CYRIA: variants seen among roughly 807,000 people sequenced by gnomAD.
CYRIA encodes the protein CYFIP-related Rac1 interactor A.
In CYRIA, 15 loss-of-function variants were observed where a neutral mutation model predicts 43.9. The ratio of observed to expected loss-of-function variants is 0.34; its 90% CI spans 0.23 to 0.53. The LOEUF (loss-of-function observed/expected upper bound fraction) is 0.53, where lower values mean the gene tolerates loss of function less well. CYRIA is among the 20% of genes least tolerant of loss of function. CYRIA has a pLI of 0.94. For missense variants in CYRIA, 236 were observed against 394.2 expected (o/e 0.60, Z 3.40); for synonymous variants, 117 against 136.0 (o/e 0.86, Z 0.97).
intron 3 of CYRIA, among the ~76,000 whole-genome samples, chr2:16,580,318 G>A (rs1222715286): frequency 6.6e-6 from 1 of 152,046 alleles, no homozygotes. Flanking sequence ...ACACTATATT[G>A]ATAAAGACAT....
chr2:16,592,868 T>C (rs977121191), intron 2 of CYRIA, among the ~76,000 whole-genome samples: 1 of 152,158 alleles, frequency 6.6e-6, no homozygotes, highest in Non-Finnish European at 1.5e-5. Context: ...GAACACCAAA[T>C]CTTACCCAGA....
At chr2:16,553,924 G>A (rs1666407601) in intron 11 of CYRIA, among the ~76,000 whole-genome samples, 1 of 152,052 alleles carries the variant, frequency 6.6e-6, no homozygotes, top group Non-Finnish European at 1.5e-5. Flanking sequence ...TGGACACCAG[G>A]AGAAAACCTT....
intron 1 of CYRIA, among the ~76,000 whole-genome samples, chr2:16,664,395 C>T (rs1655517130): frequency 6.6e-6 from 1 of 152,066 alleles, no homozygotes; most frequent in Admixed American, 6.5e-5. Flanking sequence ...GACAACGGAC[C>T]AATAAAAACC....
chr2:16,553,312 C>T (rs1307207287), intron 11 of CYRIA, among the ~76,000 whole-genome samples: 2 of 152,068 alleles, frequency 1.3e-5, no homozygotes, highest in Non-Finnish European at 2.9e-5. Flanking sequence ...CTGAGGCTGC[C>T]CCTGCTAACT....
intron 2 of CYRIA, among the ~76,000 whole-genome samples, chr2:16,606,201 C>G (rs1403177451): frequency 6.6e-6 from 1 of 152,088 alleles, no homozygotes; most frequent in African/African-American, 2.4e-5. Flanking sequence ...AAATCTTCTC[C>G]TCTTCCCTCA....
At chr2:16,631,840 G>A (rs957292613) in intron 1 of CYRIA, among the ~76,000 whole-genome samples, 24 of 152,188 alleles carry the variant, frequency 1.6e-4, no homozygotes, top group African/African-American at 5.8e-4. Context: ...TGGCCACGCT[G>A]CAGTGAGGAC....
intron 1 of CYRIA, among the ~76,000 whole-genome samples, chr2:16,634,361 C>T (rs1298724302): frequency 6.6e-6 from 1 of 152,218 alleles, no homozygotes; most frequent in Non-Finnish European, 1.5e-5. Flanking sequence ...ACTGTCACCA[C>T]TTTGATGCCT....
intron 2 of CYRIA, among the ~76,000 whole-genome samples, chr2:16,592,039 G>A (rs1198655223): frequency 6.6e-6 from 1 of 152,020 alleles, no homozygotes; most frequent in African/African-American, 2.4e-5. Context: ...GGAGGGTCTG[G>A]TAGAGGTAGA....
At chr2:16,647,203 A>G (rs964371834) in intron 1 of CYRIA, among the ~76,000 whole-genome samples, 1 of 152,232 alleles carries the variant, frequency 6.6e-6, no homozygotes, top group Non-Finnish European at 1.5e-5. Context: ...TCTTCCTTCC[A>G]AAAAGATTTT....
intron 1 of CYRIA, among the ~76,000 whole-genome samples, chr2:16,664,139 G>A (rs886623472): frequency 1.1e-4 from 17 of 152,186 alleles, no homozygotes; most frequent in African/African-American, 4.1e-4. Flanking sequence ...CACTGAGGCA[G>A]TATGCGCCCA....
chr2:16,562,355 G>A (rs901055767), intron 5 of CYRIA, among the ~76,000 whole-genome samples: 15 of 152,278 alleles, frequency 9.9e-5, no homozygotes, highest in African/African-American at 3.6e-4. Flanking sequence ...CATGGCCACA[G>A]TGTTTTGTAA....
chr2:16,648,106 T>C (rs756048054), intron 1 of CYRIA, among the ~76,000 whole-genome samples: 5 of 152,012 alleles, frequency 3.3e-5, no homozygotes, highest in Non-Finnish European at 7.4e-5. Context: ...CACAGAAAGG[T>C]TAAGTAATTT....
rs188496297 is a variant in CYRIA, at chr2:16,610,399, A to G, written c.-11+13465T>C. On this transcript the variant is annotated intron_variant, in intron 2 of 11. Coordinates refer to ENST00000381323, the MANE Select transcript of CYRIA (RefSeq NM_030797.4). Reference sequence around the variant, plus strand: ...TGGGAAACAGAAAATGGCTTAAGACATGGCCTGTGGCCTCTGGTCAGGGCA... The same window carrying G: ...TGGGAAACAGAAAATGGCTTAAGACGTGGCCTGTGGCCTCTGGTCAGGGCA... Among the ~76,000 whole-genome samples, 26 of 152,372 alleles carry G rather than the reference A, an allele frequency of 1.7e-4. 1 individual carries two copies. Among genetic ancestry groups the G allele is most frequent in the Admixed American group, 1.4e-3 (22 of 15,308 alleles).
chr2:16,570,139 G>C (rs560159899), intron 3 of CYRIA, among the ~76,000 whole-genome samples: 3 of 152,128 alleles, frequency 2.0e-5, no homozygotes, highest in African/African-American at 7.2e-5. Context: ...CCTCTCCTCT[G>C]TCTCTACTCC....
chr2:16,611,721 C>T (rs1668609824), intron 2 of CYRIA, among the ~76,000 whole-genome samples: 1 of 145,438 alleles, frequency 6.9e-6, no homozygotes, highest in African/African-American at 2.5e-5. Context: ...AGGAGCCCAA[C>T]GTCCTTCACT....
In CYRIA at chr2:16,552,710, T is replaced by C; in HGVS notation, c.*226A>G. On this transcript the variant is annotated 3_prime_UTR_variant, in exon 12 of 12. Coordinates refer to ENST00000381323, the MANE Select transcript of CYRIA (RefSeq NM_030797.4). Reference sequence around the variant, plus strand: ...AAGATCAAAGTCTCCGAATTTTGCCTTTGGAGAAGGGGGTTTCATTTCAGA... The same window carrying C: ...AAGATCAAAGTCTCCGAATTTTGCCCTTGGAGAAGGGGGTTTCATTTCAGA... 1 of 476,936 alleles carries C rather than the reference T, an allele frequency of 2.1e-6. No homozygotes were observed. The highest frequency in any genetic ancestry group is 3.3e-5 in the East Asian group (1 of 30,154). The allele number at this position is 476,936 out of a possible 1,614,324, so 29.5% of individuals were successfully genotyped here.
chr2:16,621,523 G>A (rs1226419911), intron 2 of CYRIA, among the ~76,000 whole-genome samples: 1 of 152,128 alleles, frequency 6.6e-6, no homozygotes, highest in African/African-American at 2.4e-5. Context: ...AAGGGTAGAA[G>A]AATCTCCAGA....
chr2:16,638,666 G>A (rs991389829), intron 1 of CYRIA, among the ~76,000 whole-genome samples: 13 of 152,178 alleles, frequency 8.5e-5, no homozygotes, highest in African/African-American at 2.9e-4. Context: ...GACCACAGAG[G>A]GCCTAGCAAA....
At chr2:16,657,479 T>A (rs1275921721) in intron 1 of CYRIA, among the ~76,000 whole-genome samples, 2 of 132,136 alleles carry the variant, frequency 1.5e-5, no homozygotes, top group African/African-American at 3.3e-5. Context: ...TGTTTTTTGT[T>A]GTTTTTTTTT....
Sources: allele counts gnomAD v4.1 joint callset (sites outside exome capture counted in the v4.1 genomes callset), GRCh38; gene constraint gnomAD v4.1.1; transcripts MANE v1.5; gene names NCBI Gene and HGNC (gene_info 2026-07-23, HGNC 2026-07-21).